CNOT10: variants seen among roughly 807,000 people sequenced by gnomAD.
CNOT10 encodes CCR4-NOT transcription complex subunit 10, also known as CCR4-NOT transcription complex, subunit 10.
CNOT10 carries 30 observed loss-of-function variants against 94.6 expected under a neutral mutation model. The ratio of observed to expected loss-of-function variants is 0.32; its 90% CI spans 0.24 to 0.43. The LOEUF is 0.43. CNOT10 is among the 20% of genes least tolerant of loss of function. CNOT10 has a pLI of 1.00. For missense variants in CNOT10, 759 were observed against 877.2 expected (o/e 0.87, Z 1.70); for synonymous variants, 289 against 301.6 (o/e 0.96, Z 0.43).
At position 32,704,961 on chromosome 3, in the gene CNOT10, C is replaced by G. The variant is rs1323580393; in HGVS notation, c.268C>G (p.Leu90Val). Residue 90 changes from leucine (L) to valine (V), a missense_variant, in exon 3 of 19, where the codon CTG becomes GTG. By Grantham distance (32) the Leu-to-Val change is conservative (BLOSUM62 1). Coordinates refer to ENST00000328834, the MANE Select transcript of CNOT10 (RefSeq NM_015442.3). ...TDNLRQTLNQ[L>V]KNQVHSAVEE... ...TAATTTGAGACAAACACTTAACCAG[C>G]TGAAGAATCAGGTGATACATAAATG... 1 of 1,529,786 alleles carries G rather than the reference C, an allele frequency of 6.5e-7. No homozygotes were observed. The highest frequency in any genetic ancestry group is 8.7e-7 in the Non-Finnish European group (1 of 1,150,494). 94.8% of individuals were successfully genotyped at this position (1,529,786 alleles called of 1,614,324 possible). A position where few individuals can be genotyped will look rare whatever the true frequency, so the allele number is the denominator to read the frequency against.
At chr3:32,747,665 A>G (rs1175223244) in intron 13 of CNOT10, among the ~76,000 whole-genome samples, 1 of 151,724 alleles carries the variant, frequency 6.6e-6, no homozygotes, top group Non-Finnish European at 1.5e-5. Context: ...GACCACAGGC[A>G]TGGGCTGGGC....
intron 4 of CNOT10, among the ~76,000 whole-genome samples, chr3:32,712,216 G>T (rs1356814264): frequency 6.7e-6 from 1 of 150,368 alleles, no homozygotes; most frequent in Non-Finnish European, 1.5e-5. Flanking sequence ...ATTTCATGGA[G>T]TCATAGACTT....
At chr3:32,690,268 T>C (rs78714367) in intron 1 of CNOT10, among the ~76,000 whole-genome samples, 9,306 of 152,232 alleles carry the variant, frequency 0.061, 328 homozygotes, top group African/African-American at 0.091. Context: ...TTTCAAGAAG[T>C]CTTTTTTTTA....
chr3:32,772,446 A>G (rs1046004010), intron 18 of CNOT10, among the ~76,000 whole-genome samples: 28 of 152,222 alleles, frequency 1.8e-4, no homozygotes, highest in African/African-American at 6.5e-4. Flanking sequence ...CAAGAGTTCA[A>G]GGCTATAGTG....
rs568653892 is a variant in CNOT10 at position 32,700,918 on chromosome 3, A to G, written c.23-2950A>G. On this transcript the variant is annotated intron_variant, in intron 1 of 18. Transcript: ENST00000328834. The stretch of plus-strand genomic sequence containing the variant: ...ACAGAATATTCTTTGGGAGATAGTA[A>G]AATATAAAAGGCATCTTTTAAAAAC... Among the ~76,000 whole-genome samples the G allele has an allele frequency of 8.5e-5, 13 of 152,334 alleles. No homozygotes were observed. In the East Asian group the frequency reaches 2.3e-3, roughly 27 times the overall value.
intron 1 of CNOT10, among the ~76,000 whole-genome samples, chr3:32,691,089 G>A (rs892921556): frequency 2.8e-5 from 4 of 142,726 alleles, no homozygotes; most frequent in Admixed American, 2.2e-4. Context: ...TCCATCTCCC[G>A]AGTTCAAGCG....
At chr3:32,758,124 A>G (rs1168741554) in intron 13 of CNOT10, among the ~76,000 whole-genome samples, 4 of 152,218 alleles carry the variant, frequency 2.6e-5, no homozygotes, top group African/African-American at 9.6e-5. Flanking sequence ...TTGGGAGTCT[A>G]CAATGTCAAA....
intron 13 of CNOT10, among the ~76,000 whole-genome samples, chr3:32,738,929 G>T (rs1366221311): frequency 1.4e-5 from 2 of 147,296 alleles, no homozygotes; most frequent in African/African-American, 2.5e-5. Flanking sequence ...TTTTGAGTTG[G>T]AGTTTTACTC....
intron 8 of CNOT10, among the ~76,000 whole-genome samples, chr3:32,723,178 G>A (rs977551219): frequency 1.3e-5 from 2 of 151,924 alleles, no homozygotes; most frequent in African/African-American, 2.4e-5. Flanking sequence ...CAGATCACAA[G>A]GCCAGGAGAT....
chr3:32,705,067 G>A lies in CNOT10; in HGVS notation c.279+95G>A, dbSNP rs376064426. On this transcript the variant is annotated intron_variant, in intron 3 of 18. Transcript: ENST00000328834. ...AAGGAAAATAAATGTGATTTGTCTG[G>A]TATTTCTTGTCAGAAACATTTGTTA... 53 of 831,302 alleles carry A rather than the reference G, an allele frequency of 6.4e-5. No individual in the cohort carries two copies. The South Asian group carries it at 1.2e-3, about 18-fold the overall frequency. 51.5% of individuals were successfully genotyped at this position (831,302 alleles called of 1,614,324 possible). A position where few individuals can be genotyped will look rare whatever the true frequency, so the allele number is the denominator to read the frequency against.
Position 32,738,336 on chromosome 3 carries a change from T to C in CNOT10, c.1595+846T>C, listed in dbSNP as rs536796617. On this transcript the variant is annotated intron_variant, in intron 13 of 18. Transcript: ENST00000328834. ...GCCCTGAACTAATAAAAAGGACAGG[T>C]ATTACTTCTTCCTTAAGTATTTGAT... is the stretch of plus-strand genomic sequence containing the variant. Among the ~76,000 whole-genome samples the C allele has an allele frequency of 5.3e-5, 8 of 152,258 alleles. No individual in the cohort carries two copies. The South Asian group carries it at 1.7e-3, about 32-fold the overall frequency.
chr3:32,710,025 A>G (rs1697808568), intron 4 of CNOT10, among the ~76,000 whole-genome samples: 1 of 152,014 alleles, frequency 6.6e-6, no homozygotes, highest in Non-Finnish European at 1.5e-5. Context: ...ACATGCCTGT[A>G]ATCCCAGCTA....
intron 14 of CNOT10, among the ~76,000 whole-genome samples, chr3:32,761,613 T>C (rs1446506176): frequency 6.6e-6 from 1 of 151,828 alleles, no homozygotes; most frequent in Non-Finnish European, 1.5e-5. Flanking sequence ...TGGAGTGCAG[T>C]GGCATGATCT....
intron 10 of CNOT10, among the ~76,000 whole-genome samples, chr3:32,732,493 G>A (rs1364676070): frequency 6.6e-6 from 1 of 151,928 alleles, no homozygotes; most frequent in Non-Finnish European, 1.5e-5. Flanking sequence ...GGCTGAAGCA[G>A]GAGGATCACT....
intron 1 of CNOT10, among the ~76,000 whole-genome samples, chr3:32,693,691 G>A (rs761037539): frequency 6.6e-6 from 1 of 151,734 alleles, no homozygotes; most frequent in African/African-American, 2.4e-5. Context: ...ATAGGCATGC[G>A]CCACCACGCC....
At chr3:32,711,587 A>T (rs1559485491) in intron 4 of CNOT10, among the ~76,000 whole-genome samples, 1 of 152,084 alleles carries the variant, frequency 6.6e-6, no homozygotes, top group Non-Finnish European at 1.5e-5. Context: ...TTGACTGGGG[A>T]TGTTTTAAGT....
intron 10 of CNOT10, among the ~76,000 whole-genome samples, chr3:32,729,028 G>A (rs1389622973): frequency 2.6e-5 from 4 of 152,132 alleles, no homozygotes; most frequent in African/African-American, 4.8e-5. Context: ...CCCAGGAGGC[G>A]GAGCTTGCAG....
chr3:32,773,773 A>AC lies in CNOT10; in HGVS notation c.*163dup. 1.6e-6 allele frequency: 1 copy of AC among 641,820 alleles called. No individual in the cohort carries two copies. Among genetic ancestry groups the AC allele is most frequent in the Non-Finnish European group, 2.5e-6 (1 of 401,948 alleles). 39.8% of individuals were successfully genotyped at this position (641,820 alleles called of 1,614,324 possible). A position where few individuals can be genotyped will look rare whatever the true frequency, so the allele number is the denominator to read the frequency against. On this transcript the variant is annotated 3_prime_UTR_variant, in exon 19 of 19. Transcript: ENST00000328834. ...AAAGCTTACTTAAAATTAAGGATTT[A>AC]CTAAGTCATCATCAGCTGTTTTTCT...
At chr3:32,759,413 A>G in intron 13 of CNOT10, 45 bp from the exon 14 acceptor site, 1 of 1,296,300 alleles carries the variant, frequency 7.7e-7, no homozygotes, top group African/African-American at 1.5e-5. Context: ...AACCATTATC[A>G]ATGTTTAAAA....
Sources: gnomAD v4.1 joint callset for allele counts (sites outside exome capture counted in the v4.1 genomes callset) on GRCh38, gnomAD v4.1.1 for gene constraint, MANE v1.5 for transcripts, NCBI Gene and HGNC (gene_info 2026-07-23, HGNC 2026-07-21) for gene names.